AKAP13: variants seen among roughly 807,000 people sequenced by gnomAD.
AKAP13 encodes A-kinase anchor protein 13.
Under a neutral mutation model 264.5 loss-of-function variants are expected in AKAP13, and 80 were observed. The observed-to-expected ratio is 0.30, with a 90% CI of 0.25 to 0.36. AKAP13 has a LOEUF of 0.36. Ranked by LOEUF, AKAP13 falls within the 10% of genes least tolerant of loss-of-function variation. The pLI, the probability that AKAP13 is intolerant of heterozygous loss-of-function variation, is 1.00. For missense variants in AKAP13, 3,712 were observed against 3,435.2 expected (o/e 1.08, Z -2.01); for synonymous variants, 1,380 against 1,250.2 (o/e 1.10, Z -2.19).
At chr15:85,503,112 A>G (rs1033360783) in intron 2 of AKAP13, among the ~76,000 whole-genome samples, 7 of 152,162 alleles carry the variant, frequency 4.6e-5, no homozygotes, top group African/African-American at 1.7e-4. Flanking sequence ...TACTTACTTT[A>G]TGTCGTGGTA....
rs1489868392 is a variant in AKAP13, at chr15:85,727,521, C to T, written c.7087+58C>T. ...CTGGAATGTCTGCAGTTGCAGAAGA[C>T]TGCTGGTGGATTTTAGAGGTACGGG... On this transcript the variant is annotated intron_variant, in intron 29 of 36. Coordinates refer to ENST00000394518, the MANE Select transcript of AKAP13 (RefSeq NM_007200.5). The surrounding 1 kb of genome is among the most constrained non-coding windows in gnomAD (Gnocchi z 5.3). 1 of 1,583,476 alleles carries T rather than the reference C, an allele frequency of 6.3e-7. No individual in the cohort carries two copies. The highest frequency in any genetic ancestry group is 1.4e-5 in the African/African-American group (1 of 74,044).
intron 14 of AKAP13, among the ~76,000 whole-genome samples, chr15:85,675,228 CTGTT>C (rs1230609602): frequency 1.3e-5 from 2 of 152,166 alleles, no homozygotes; most frequent in Non-Finnish European, 2.9e-5. Context: ...TTTTCTAAAT[CTGTT>C]TGACATTTGG....
At chr15:85,587,393 C>A (rs754486839) in intron 8 of AKAP13, among the ~76,000 whole-genome samples, 3 of 152,094 alleles carry the variant, frequency 2.0e-5, no homozygotes, top group African/African-American at 4.8e-5. Flanking sequence ...TATTTTATTT[C>A]TTTTTATTGT....
intron 8 of AKAP13, among the ~76,000 whole-genome samples, chr15:85,637,442 T>G (rs1287181711): frequency 6.6e-6 from 1 of 152,186 alleles, no homozygotes; most frequent in Non-Finnish European, 1.5e-5. Flanking sequence ...GTTCGTAATA[T>G]TTCTTTATTT....
chr15:85,500,865 T>C (rs1214050816), intron 2 of AKAP13, among the ~76,000 whole-genome samples: 1 of 152,212 alleles, frequency 6.6e-6, no homozygotes, highest in African/African-American at 2.4e-5. Context: ...GTGTCTGGAT[T>C]AACTGTTGAC....
Position 85,580,627 on chromosome 15 carries a change from T to C in AKAP13, c.2559T>C (p.Ala853=). Residue 853 remains alanine, a synonymous_variant, in exon 7 of 37, where the codon GCT becomes GCC. Transcript: ENST00000394518. ...RAVGLSTSST[A]AELQHGMGNT... is the part of the protein sequence containing the mutation. ...TAGGCCTGTCCACATCCTCCACTGC[T>C]GCAGAGCTTCAGCACGGGATGGGGA... is the stretch of plus-strand genomic sequence containing the variant. 1.2e-6 allele frequency: 2 copies of C among 1,614,204 alleles called. No individual in the cohort carries two copies. The highest frequency in any genetic ancestry group is 1.1e-5 in the South Asian group (1 of 91,082).
At position 85,438,406 on chromosome 15, in the gene AKAP13, A is replaced by G. The variant is rs530593962; in HGVS notation, c.-11-47304A>G. ...GGCCATACTTCCCAAGGTAATTTAC[A>G]GATTCAACTCCATCCCCATAAAGCT... is the stretch of plus-strand genomic sequence containing the variant. On this transcript the variant is annotated intron_variant, in intron 1 of 36. Transcript: ENST00000394518. 1.8e-4 allele frequency among the ~76,000 whole-genome samples: 27 copies of G among 151,906 alleles called. No homozygotes were observed. In the South Asian group the frequency reaches 3.7e-3, roughly 21 times the overall value.
chr15:85,622,475 C>T (rs1204682002), intron 8 of AKAP13, among the ~76,000 whole-genome samples: 1 of 152,078 alleles, frequency 6.6e-6, no homozygotes, highest in Non-Finnish European at 1.5e-5. Context: ...AAGGCCGGAG[C>T]CAGAGGTGGG....
At chr15:85,400,738 AC>A (rs561644262) in intron 1 of AKAP13, among the ~76,000 whole-genome samples, 19 of 152,082 alleles carry the variant, frequency 1.2e-4, no homozygotes, top group African/African-American at 3.9e-4. Context: ...CACTGTTGAT[AC>A]ACCAGCTTGT....
At chr15:85,508,537 T>C (rs1031958322) in intron 2 of AKAP13, among the ~76,000 whole-genome samples, 55 of 152,120 alleles carry the variant, frequency 3.6e-4, no homozygotes, top group Admixed American at 3.5e-3. Context: ...CTGAGTCCTC[T>C]ATCGTGTTTC....
At chr15:85,505,344 A>G (rs2076184580) in intron 2 of AKAP13, among the ~76,000 whole-genome samples, 1 of 152,198 alleles carries the variant, frequency 6.6e-6, no homozygotes, top group South Asian at 2.1e-4. Context: ...TTAGTGTTGC[A>G]AAATTATGAA....
chr15:85,648,068 G>T (rs1231246393), intron 10 of AKAP13, among the ~76,000 whole-genome samples: 1 of 151,774 alleles, frequency 6.6e-6, no homozygotes, highest in South Asian at 2.1e-4. Flanking sequence ...TTTCCACTGC[G>T]ACTTTCGAGG....
chr15:85,575,678 C>T (rs1258082528), intron 6 of AKAP13, among the ~76,000 whole-genome samples: 4 of 151,548 alleles, frequency 2.6e-5, no homozygotes, highest in Non-Finnish European at 5.9e-5. Flanking sequence ...GGCAACAGAG[C>T]GAGACTCCGT....
intron 4 of AKAP13, chr15:85,534,145 T>G: frequency 2.3e-6 from 1 of 437,730 alleles, no homozygotes; most frequent in Non-Finnish European, 4.0e-6. Flanking sequence ...GGATTTCAGA[T>G]TTGATCTCTC....
At chr15:85,674,628 T>G (rs569831517) in intron 14 of AKAP13, among the ~76,000 whole-genome samples, 25 of 152,194 alleles carry the variant, frequency 1.6e-4, no homozygotes, top group Non-Finnish European at 2.8e-4. Flanking sequence ...CATTAGACTA[T>G]GACAGCTAAG....
chr15:85,630,071 G>A (rs1488356564), intron 8 of AKAP13, among the ~76,000 whole-genome samples: 4 of 151,714 alleles, frequency 2.6e-5, no homozygotes, highest in Admixed American at 1.3e-4. Context: ...CTTCTCTGCA[G>A]CAGCTTCTGT....
chr15:85,402,067 C>T (rs2071446259), intron 1 of AKAP13, among the ~76,000 whole-genome samples: 1 of 152,182 alleles, frequency 6.6e-6, no homozygotes, highest in Non-Finnish European at 1.5e-5. Context: ...CCCACTCCAC[C>T]TCAATTCTCC....
chr15:85,564,498 T>C (rs1186595336), intron 5 of AKAP13, among the ~76,000 whole-genome samples: 1 of 152,242 alleles, frequency 6.6e-6, no homozygotes, highest in African/African-American at 2.4e-5. Flanking sequence ...TAGTAATTTA[T>C]CATTAATACA....
At chr15:85,712,797 G>C (rs572782583) in intron 19 of AKAP13, among the ~76,000 whole-genome samples, 1 of 152,268 alleles carries the variant, frequency 6.6e-6, no homozygotes, top group Admixed American at 6.5e-5. Context: ...GTCTGTCTTG[G>C]CCTCCCAAAG....
Sources: gnomAD v4.1 joint callset for allele counts (sites outside exome capture counted in the v4.1 genomes callset) on GRCh38, gnomAD v4.1.1 for gene constraint, Gnocchi (gnomAD v3.1) non-coding constraint, MANE v1.5 for transcripts, NCBI Gene and HGNC (gene_info 2026-07-23, HGNC 2026-07-21) for gene names.